KLHDC4: variants seen among roughly 807,000 people sequenced by gnomAD.
KLHDC4 encodes kelch domain containing 4.
KLHDC4 carries 90 observed loss-of-function variants against 62.4 expected under a neutral mutation model. The observed-to-expected ratio is 1.44, with a 90% CI of 1.22 to 1.72. KLHDC4 has a LOEUF of 1.72. Ranked by LOEUF, KLHDC4 falls within the 40% of genes most tolerant of loss-of-function variation. KLHDC4 has a pLI of 0.00. For missense variants in KLHDC4, 1,025 were observed against 699.7 expected, an observed-to-expected ratio of 1.47 and a Z score of -5.25; for synonymous variants, 386 against 284.4, an observed-to-expected ratio of 1.36 and a Z score of -3.59.
intron 4 of KLHDC4, among the ~76,000 whole-genome samples, chr16:87,752,209 C>T (rs1268624408): frequency 2.0e-5 from 3 of 149,350 alleles, no homozygotes; most frequent in African/African-American, 4.9e-5. Flanking sequence ...GAGTTCAACA[C>T]TTGCCTGGGC....
intron 1 of KLHDC4, among the ~76,000 whole-genome samples, chr16:87,763,288 G>C (rs1241029534): frequency 6.6e-6 from 1 of 152,160 alleles, no homozygotes; most frequent in South Asian, 2.1e-4. Context: ...GCAACATATA[G>C]TATTGTTTTA....
chr16:87,749,024 A>G (rs145964766), intron 4 of KLHDC4, among the ~76,000 whole-genome samples: 30 of 149,378 alleles, frequency 2.0e-4, no homozygotes, highest in African/African-American at 7.2e-4. Context: ...GGTCTAATAA[A>G]CCTTCATGTA....
chr16:87,741,338 C>G (rs1474623677), intron 5 of KLHDC4, among the ~76,000 whole-genome samples: 5 of 152,330 alleles, frequency 3.3e-5, no homozygotes, highest in Non-Finnish European at 5.9e-5. Flanking sequence ...TGTTAGGAAT[C>G]AGGTCGCACA....
intron 5 of KLHDC4, among the ~76,000 whole-genome samples, chr16:87,748,144 G>A (rs62055593): frequency 0.076 from 11,499 of 152,284 alleles, 604 homozygotes; most frequent in Non-Finnish European, 0.11. Context: ...ACACCCGTGC[G>A]TGGTAAACAT....
Position 87,765,841 on chromosome 16 carries a change from G to GTCTTCTCCGCGCCGCGGCCCT in KLHDC4, c.29_49dup (p.Lys10_Lys16dup), listed in dbSNP as rs1367636850. The GTCTTCTCCGCGCCGCGGCCCT allele has an allele frequency of 6.4e-7, 1 of 1,557,410 alleles. No individual in the cohort carries two copies. The highest frequency in any genetic ancestry group is 1.9e-5 in the Admixed American group (1 of 51,358). ...CACCTTCTTCTCCATCTTGGCGGCC[G>GTCTTCTCCGCGCCGCGGCCCT]TCTTCTCCGCGCCGCGGCCCTTCTT... On this transcript the variant is annotated inframe_insertion, in exon 1 of 12. Coordinates refer to ENST00000270583, the MANE Select transcript of KLHDC4 (RefSeq NM_017566.4).
chr16:87,710,044 A>G (rs1337864181), intron 9 of KLHDC4: 1 of 206,130 alleles, frequency 4.9e-6, no homozygotes, highest in African/African-American at 2.3e-5. Flanking sequence ...GCTGGCTCCC[A>G]GAAGGGCTGG....
At chr16:87,711,139 G>A in intron 9 of KLHDC4, 96 bp downstream of exon 9, 3 of 1,303,050 alleles carry the variant, frequency 2.3e-6, no homozygotes, top group African/African-American at 1.5e-5. Context: ...GGCTTTGGGG[G>A]CCCCAATACC....
chr16:87,759,202 T>G (rs546705728), intron 2 of KLHDC4, among the ~76,000 whole-genome samples: 2 of 151,360 alleles, frequency 1.3e-5, no homozygotes, highest in South Asian at 4.2e-4. Flanking sequence ...AAAAATAAAA[T>G]AAAATGGCAA....
At chr16:87,710,048 G>T in intron 9 of KLHDC4, 1 of 199,682 alleles carries the variant, frequency 5.0e-6, no homozygotes, top group Non-Finnish European at 1.0e-5. Context: ...GCTCCCAGAA[G>T]GGCTGGGGAA....
chr16:87,717,700 A>G (rs547811272), intron 7 of KLHDC4, among the ~76,000 whole-genome samples: 32 of 152,358 alleles, frequency 2.1e-4, no homozygotes, highest in African/African-American at 7.0e-4. Flanking sequence ...GCCTAGCATT[A>G]TTGTGAACTG....
intron 5 of KLHDC4, among the ~76,000 whole-genome samples, chr16:87,735,021 T>C (rs2041059262): frequency 9.6e-6 from 1 of 104,038 alleles, no homozygotes; most frequent in Non-Finnish European, 1.8e-5. Flanking sequence ...TCCTGACGAA[T>C]TGCCCGACGC....
At chr16:87,750,678 C>T (rs752290837) in intron 4 of KLHDC4, among the ~76,000 whole-genome samples, 6 of 152,202 alleles carry the variant, frequency 3.9e-5, no homozygotes, top group Non-Finnish European at 5.9e-5. Context: ...GGCTCCCTCC[C>T]GGCACCTCTG....
At chr16:87,734,665 C>G (rs1033184050) in intron 5 of KLHDC4, among the ~76,000 whole-genome samples, 8 of 152,176 alleles carry the variant, frequency 5.3e-5, no homozygotes, top group African/African-American at 1.9e-4. Flanking sequence ...TTCTATTAAT[C>G]CAACCCGGAG....
In KLHDC4 at chr16:87,720,276, C is replaced by T. The variant is rs142865700; in HGVS notation, c.760-5703G>A. Among the ~76,000 whole-genome samples, 671 of 152,272 alleles carry T rather than the reference C, an allele frequency of 4.4e-3. 1 individual carries two copies. Among genetic ancestry groups the T allele is most frequent in the African/African-American group, 0.014 (599 of 41,538 alleles). On this transcript the variant is annotated intron_variant, in intron 7 of 11. Coordinates refer to ENST00000270583, the MANE Select transcript of KLHDC4 (RefSeq NM_017566.4). ...TGGTCCTGGGAGAAGACAGTGCTAA[C>T]GGCAGCACTGATGTTCACCGAAATC...
chr16:87,718,639 G>T (rs989200699), intron 7 of KLHDC4, among the ~76,000 whole-genome samples: 1 of 151,902 alleles, frequency 6.6e-6, no homozygotes, highest in South Asian at 2.1e-4. Flanking sequence ...CCTCTGCCCG[G>T]CCGCCACCTC....
At chr16:87,706,966 G>T (rs938374320), downstream of KLHDC4, among the ~76,000 whole-genome samples, 7 of 152,224 alleles carry the variant, frequency 4.6e-5, no homozygotes, top group Non-Finnish European at 1.0e-4. Context: ...CGCCAGGAGG[G>T]AAGTCTCCCC....
At chr16:87,757,103 C>A (rs1216242117) in intron 2 of KLHDC4, among the ~76,000 whole-genome samples, 1 of 152,012 alleles carries the variant, frequency 6.6e-6, no homozygotes, top group Non-Finnish European at 1.5e-5. Context: ...GTGTGAGCCA[C>A]CGTGCCTGGA....
intron 7 of KLHDC4, among the ~76,000 whole-genome samples, chr16:87,718,425 G>C (rs952914901): frequency 2.7e-5 from 4 of 149,334 alleles, no homozygotes; most frequent in African/African-American, 7.4e-5. Flanking sequence ...GCCGAGCGGA[G>C]GCTGGACTGT....
intron 6 of KLHDC4, 134 bp from the exon 7 acceptor site, chr16:87,727,058 T>A: frequency 1.1e-6 from 1 of 884,672 alleles, no homozygotes; most frequent in Non-Finnish European, 1.7e-6. Flanking sequence ...TCTCCTCTGC[T>A]CTTACACCAA....
Sources: allele counts gnomAD v4.1 joint callset (sites outside exome capture counted in the v4.1 genomes callset), GRCh38; gene constraint gnomAD v4.1.1; transcripts MANE v1.5; gene names NCBI Gene and HGNC (gene_info 2026-07-23, HGNC 2026-07-21).